The following CSMD1 variants were observed in gnomAD, a reference collection of about 807,000 sequenced individuals.
CSMD1 encodes CUB and sushi domain-containing protein 1.
In CSMD1, 213 loss-of-function variants were observed where a neutral mutation model predicts 417.5. That is an observed-to-expected ratio of 0.51 (90% CI 0.46 to 0.57). The LOEUF is 0.57. Ranked by LOEUF, CSMD1 falls within the 20% of genes least tolerant of loss-of-function variation. The probability of loss-of-function intolerance (pLI) is 0.00; values close to 1 mark genes in which losing one functional copy is unlikely to be tolerated. For synonymous variants in CSMD1, 2,862 were observed against 1,736.8 expected (o/e 1.65, Z -16.11); for missense variants, 6,923 against 4,529.7 (o/e 1.53, Z -15.17).
intron 3 of CSMD1, among the ~76,000 whole-genome samples, chr8:4,125,818 C>T (rs151229427): frequency 4.6e-5 from 7 of 152,230 alleles, no homozygotes; most frequent in South Asian, 2.1e-4. Flanking sequence ...CCCAAGAAGA[C>T]CCCCATCTTA....
intron 25 of CSMD1, among the ~76,000 whole-genome samples, chr8:3,286,731 T>C (rs780936031): frequency 7.2e-5 from 11 of 152,126 alleles, no homozygotes; most frequent in Non-Finnish European, 1.2e-4. Flanking sequence ...TAGCCCTTTG[T>C]CAGATGAGTA....
intron 10 of CSMD1, among the ~76,000 whole-genome samples, chr8:3,535,854 T>C (rs1016680197): frequency 4.6e-5 from 7 of 152,190 alleles, no homozygotes; most frequent in South Asian, 2.1e-4. Flanking sequence ...AGTGTGGTAT[T>C]TGGCCCTGTT....
intron 4 of CSMD1, among the ~76,000 whole-genome samples, chr8:4,004,907 G>C (rs898726613): frequency 1.3e-5 from 2 of 152,000 alleles, no homozygotes; most frequent in African/African-American, 2.4e-5. Flanking sequence ...ACCATGCCCA[G>C]CTAATTTTTT....
chr8:4,208,048 G>C (rs56349642), intron 3 of CSMD1, among the ~76,000 whole-genome samples: 1 of 152,064 alleles, frequency 6.6e-6, no homozygotes, highest in Non-Finnish European at 1.5e-5. Context: ...ATATATGAGG[G>C]TAATTCACTT....
intron 3 of CSMD1, among the ~76,000 whole-genome samples, chr8:4,147,463 A>G (rs192277475): frequency 2.2e-3 from 342 of 152,160 alleles, no homozygotes; most frequent in African/African-American, 7.8e-3. Context: ...CCTCATTTCA[A>G]TACCCTACAT....
chr8:3,755,144 C>G (rs2623731), intron 5 of CSMD1, among the ~76,000 whole-genome samples: 3 of 152,080 alleles, frequency 2.0e-5, no homozygotes, highest in African/African-American at 7.2e-5. Context: ...AGCTCCTGCC[C>G]GTTAGAGGCG....
chr8:3,433,031 A>G (rs1306461890), intron 12 of CSMD1, among the ~76,000 whole-genome samples: 2 of 152,228 alleles, frequency 1.3e-5, no homozygotes, highest in Non-Finnish European at 1.5e-5. Context: ...AGTCATTGAA[A>G]AAATAAATTT....
chr8:4,483,317 T>A (rs1051697124), intron 2 of CSMD1, among the ~76,000 whole-genome samples: 1 of 152,204 alleles, frequency 6.6e-6, no homozygotes, highest in African/African-American at 2.4e-5. Context: ...CAGTCTCGGA[T>A]ATGTGTTTAT....
At chr8:4,881,411 A>G (rs930730511) in intron 1 of CSMD1, among the ~76,000 whole-genome samples, 1 of 134,792 alleles carries the variant, frequency 7.4e-6, no homozygotes, top group East Asian at 2.3e-4. Context: ...CCTAGTATAC[A>G]TATCTATCTA....
intron 20 of CSMD1, among the ~76,000 whole-genome samples, chr8:3,360,028 A>G (rs1162792615): frequency 6.6e-6 from 1 of 152,212 alleles, no homozygotes; most frequent in Non-Finnish European, 1.5e-5. Flanking sequence ...CTTTTTGGTA[A>G]CTAACGCATG....
chr8:4,848,381 T>C (rs946710498), intron 1 of CSMD1, among the ~76,000 whole-genome samples: 2 of 152,218 alleles, frequency 1.3e-5, no homozygotes, highest in African/African-American at 2.4e-5. Flanking sequence ...AAGATTATAG[T>C]GGAGCTGAAA....
chr8:4,825,983 G>A (rs1216434196), intron 1 of CSMD1, among the ~76,000 whole-genome samples: 1 of 151,798 alleles, frequency 6.6e-6, no homozygotes, highest in East Asian at 1.9e-4. Flanking sequence ...TTTAAAAAAA[G>A]AACAAGTGTT....
At chr8:4,924,806 A>G (rs1187282594) in intron 1 of CSMD1, among the ~76,000 whole-genome samples, 1 of 151,580 alleles carries the variant, frequency 6.6e-6, no homozygotes, top group East Asian at 1.9e-4. Context: ...TATGTATCAT[A>G]TTGTTTTCAT....
At chr8:4,279,396 G>C (rs994626720) in intron 3 of CSMD1, among the ~76,000 whole-genome samples, 3 of 152,176 alleles carry the variant, frequency 2.0e-5, no homozygotes, top group African/African-American at 7.2e-5. Context: ...CCTGGATTCT[G>C]AATCACCATT....
In CSMD1 at chr8:3,189,988, C is replaced by G; in HGVS notation, c.5322G>C (p.Gln1774His). 3 of 1,599,358 alleles carry G rather than the reference C, an allele frequency of 1.9e-6. No individual in the cohort carries two copies. The highest frequency in any genetic ancestry group is 2.6e-6 in the Non-Finnish European group (3 of 1,173,276). ...RFECNPGYLL[Q>H]GSTALHCQSV... ...ACTGGCAGTGGAGCGCCGTGGAACC[C>G]TGAAGCAGGTATCCCGGGTTGCACT... Residue 1774 changes from glutamine (Q) to histidine (H), a missense_variant, in exon 34 of 70, where the codon CAG becomes CAC. Physicochemically the swap from Gln to His is conservative, Grantham distance 24. Transcript: ENST00000635120.
chr8:4,542,901 G>T (rs1045012405), intron 2 of CSMD1, among the ~76,000 whole-genome samples: 2 of 151,874 alleles, frequency 1.3e-5, no homozygotes, highest in Non-Finnish European at 2.9e-5. Context: ...TAGCATTTTT[G>T]AATATTTATC....
chr8:3,373,098 G>C (rs1450572125), intron 18 of CSMD1, among the ~76,000 whole-genome samples: 2 of 152,058 alleles, frequency 1.3e-5, no homozygotes, highest in Admixed American at 6.6e-5. Context: ...ACTTGTCAGT[G>C]GTCTTTATCC....
At chr8:4,754,766 T>A (rs969173188) in intron 1 of CSMD1, among the ~76,000 whole-genome samples, 19 of 151,954 alleles carry the variant, frequency 1.3e-4, no homozygotes, top group African/African-American at 4.1e-4. Context: ...GGAGATTCGT[T>A]TGAACCCAGG....
At chr8:3,776,625 A>G (rs1798899262) in intron 5 of CSMD1, among the ~76,000 whole-genome samples, 1 of 152,026 alleles carries the variant, frequency 6.6e-6, no homozygotes, top group African/African-American at 2.4e-5. Context: ...TAGACTCCAT[A>G]TCCAGCCATC....
Sources: allele counts gnomAD v4.1 joint callset (sites outside exome capture counted in the v4.1 genomes callset), GRCh38; gene constraint gnomAD v4.1.1; transcripts MANE v1.5; gene names NCBI Gene and HGNC (gene_info 2026-07-23, HGNC 2026-07-21).